PRRX1: variants seen among roughly 807,000 people sequenced by gnomAD.
PRRX1 encodes paired mesoderm homeobox protein 1.
PRRX1 carries 8 observed loss-of-function variants against 24.0 expected under a neutral mutation model. That is an observed-to-expected ratio of 0.33 (90% CI 0.20 to 0.60). The LOEUF is 0.60. PRRX1 is among the 20% of genes least tolerant of loss of function. The probability of loss-of-function intolerance (pLI) is 0.82; values close to 1 mark genes in which losing one functional copy is unlikely to be tolerated. For missense variants in PRRX1, 281 were observed against 322.4 expected (o/e 0.87, Z 0.98); for synonymous variants, 160 against 131.7 (o/e 1.22, Z -1.47).
intron 1 of PRRX1, among the ~76,000 whole-genome samples, chr1:170,717,466 C>A (rs955170456): frequency 6.6e-6 from 1 of 152,190 alleles, no homozygotes; most frequent in African/African-American, 2.4e-5. Context: ...TTTGTGGTTG[C>A]ACCTAAGAAA....
intron 1 of PRRX1, among the ~76,000 whole-genome samples, chr1:170,706,522 A>G (rs1228688270): frequency 6.6e-6 from 1 of 152,198 alleles, no homozygotes; most frequent in Non-Finnish European, 1.5e-5. Context: ...AGAGACAGAG[A>G]ACTCATGTCG....
chr1:170,682,811 G>C (rs1233731481), intron 1 of PRRX1, among the ~76,000 whole-genome samples: 1 of 152,194 alleles, frequency 6.6e-6, no homozygotes, highest in South Asian at 2.1e-4. Flanking sequence ...TGATTAGTAA[G>C]TTTTATGAAA....
At chr1:170,675,179 T>G (rs1032948402) in intron 1 of PRRX1, among the ~76,000 whole-genome samples, 1 of 152,250 alleles carries the variant, frequency 6.6e-6, no homozygotes, top group Non-Finnish European at 1.5e-5. Flanking sequence ...GGGTACATTT[T>G]CAGCAGTAAA....
chr1:170,691,961 A>C (rs1319108879), intron 1 of PRRX1, among the ~76,000 whole-genome samples: 1 of 152,112 alleles, frequency 6.6e-6, no homozygotes, highest in African/African-American at 2.4e-5. Flanking sequence ...TATTTAATGC[A>C]CAGTTATTGT....
At chr1:170,717,563 C>G (rs1420807215) in intron 1 of PRRX1, among the ~76,000 whole-genome samples, 1 of 151,168 alleles carries the variant, frequency 6.6e-6, no homozygotes, top group African/African-American at 2.4e-5. Flanking sequence ...GGCTTAGTGT[C>G]TAATTGGTCT....
intron 1 of PRRX1, among the ~76,000 whole-genome samples, chr1:170,691,439 CCATTT>C (rs1653943325): frequency 1.7e-5 from 2 of 119,788 alleles, no homozygotes; most frequent in East Asian, 2.7e-4. Flanking sequence ...CCCTTTCCTT[CCATTT>C]CCTTTCCTTT....
In PRRX1 at chr1:170,736,363, T is replaced by G. The variant is rs942341460; in HGVS notation, c.*177T>G. 6 of 814,700 alleles carry G rather than the reference T, an allele frequency of 7.4e-6. No individual in the cohort carries two copies. In the African/African-American group the frequency reaches 1.0e-4, roughly 14 times the overall value. The allele number at this position is 814,700 out of a possible 1,614,324, so 50.5% of individuals were successfully genotyped here. On this transcript the variant is annotated 3_prime_UTR_variant, in exon 4 of 4. Transcript: ENST00000239461. Reference sequence around the variant, plus strand: ...AGCAGGAGAGGAGCAAAATGAAAATTAGTTAACAAATGTTCCTCCTCCCTC... The same window carrying G: ...AGCAGGAGAGGAGCAAAATGAAAATGAGTTAACAAATGTTCCTCCTCCCTC...
At chr1:170,732,227 T>C (rs1382032028) in intron 3 of PRRX1, among the ~76,000 whole-genome samples, 16 of 152,224 alleles carry the variant, frequency 1.1e-4, no homozygotes, top group Non-Finnish European at 1.2e-4. Flanking sequence ...TGAAAACAGT[T>C]AATTACCCTC....
intron 1 of PRRX1, among the ~76,000 whole-genome samples, chr1:170,677,867 G>A (rs1279032788): frequency 6.6e-6 from 1 of 152,146 alleles, no homozygotes; most frequent in East Asian, 1.9e-4. Flanking sequence ...GATTGAAGAA[G>A]ACAAATCCCC....
chr1:170,719,064 G>C (rs974448575), intron 1 of PRRX1, among the ~76,000 whole-genome samples: 5 of 152,160 alleles, frequency 3.3e-5, no homozygotes, highest in Non-Finnish European at 5.9e-5. Context: ...TGAGCCCCAG[G>C]CTAATGTTAG....
intron 1 of PRRX1, among the ~76,000 whole-genome samples, chr1:170,719,177 A>G (rs1655002338): frequency 6.6e-6 from 1 of 152,198 alleles, no homozygotes; most frequent in Non-Finnish European, 1.5e-5. Flanking sequence ...GTTAGAAATT[A>G]CTTGCTGCTT....
intron 1 of PRRX1, among the ~76,000 whole-genome samples, chr1:170,705,325 A>G (rs540013054): frequency 6.6e-6 from 1 of 152,332 alleles, no homozygotes; most frequent in East Asian, 1.9e-4. Flanking sequence ...TCTGTTGCCC[A>G]GGCTGGAGTG....
intron 1 of PRRX1, among the ~76,000 whole-genome samples, chr1:170,710,831 C>G (rs1571338518): frequency 1.3e-5 from 2 of 152,194 alleles, no homozygotes; most frequent in African/African-American, 4.8e-5. Flanking sequence ...AGGCCCTCAA[C>G]AGGAACCCAT....
At chr1:170,686,059 T>C (rs1653721684) in intron 1 of PRRX1, among the ~76,000 whole-genome samples, 1 of 151,518 alleles carries the variant, frequency 6.6e-6, no homozygotes, top group Admixed American at 6.6e-5. Context: ...AGTTAAAATG[T>C]AGACCGTCTG....
chr1:170,706,259 A>T (rs1654564599), intron 1 of PRRX1, among the ~76,000 whole-genome samples: 1 of 152,250 alleles, frequency 6.6e-6, no homozygotes, highest in African/African-American at 2.4e-5. Context: ...CACAGTGTCT[A>T]GTTAATCCAT....
At chr1:170,665,650 T>A (rs577523551) in intron 1 of PRRX1, among the ~76,000 whole-genome samples, 1 of 152,278 alleles carries the variant, frequency 6.6e-6, no homozygotes, top group Admixed American at 6.5e-5. Context: ...AGAATAGACA[T>A]ACAAATCAAA....
intron 2 of PRRX1, among the ~76,000 whole-genome samples, chr1:170,724,854 C>A (rs1217163765): frequency 6.6e-6 from 1 of 152,142 alleles, no homozygotes; most frequent in African/African-American, 2.4e-5. Context: ...AGCATTAGAT[C>A]TATAAATTAC....
intron 1 of PRRX1, among the ~76,000 whole-genome samples, chr1:170,715,961 A>G (rs1654891664): frequency 6.6e-6 from 1 of 152,110 alleles, no homozygotes; most frequent in Non-Finnish European, 1.5e-5. Context: ...TGCACTTAAG[A>G]GTGGAATGGA....
chr1:170,676,683 T>C (rs1304209754), intron 1 of PRRX1, among the ~76,000 whole-genome samples: 1 of 152,182 alleles, frequency 6.6e-6, no homozygotes, highest in East Asian at 1.9e-4. Context: ...ATTTTACAGA[T>C]AGGAAAACTG....
Sources: gnomAD v4.1 joint callset for allele counts (sites outside exome capture counted in the v4.1 genomes callset) on GRCh38, gnomAD v4.1.1 for gene constraint, MANE v1.5 for transcripts, NCBI Gene and HGNC (gene_info 2026-07-23, HGNC 2026-07-21) for gene names.